ROBO1: variants seen among roughly 807,000 people sequenced by gnomAD.
The protein encoded by ROBO1 is roundabout homolog 1.
A neutral mutation model predicts 195.9 loss-of-function variants in ROBO1; 149 were observed. The observed-to-expected ratio is 0.76, with a 90% CI of 0.67 to 0.87. The LOEUF is 0.87. ROBO1 is among the 40% of genes least tolerant of loss of function. The probability of loss-of-function intolerance (pLI) is 0.00; values close to 1 mark genes in which losing one functional copy is unlikely to be tolerated. For synonymous variants in ROBO1, 816 were observed against 733.2 expected, an observed-to-expected ratio of 1.11 and a Z score of -1.82; for missense variants, 1,933 against 2,068.3, an observed-to-expected ratio of 0.93 and a Z score of 1.27.
intron 2 of ROBO1, among the ~76,000 whole-genome samples, chr3:79,331,811 G>T (rs2034450396): frequency 6.6e-6 from 1 of 152,182 alleles, no homozygotes; most frequent in Admixed American, 6.5e-5. Context: ...AAAGTATGCT[G>T]ATGATAATAA....
At chr3:78,740,638 G>GT (rs1389685267) in intron 5 of ROBO1, among the ~76,000 whole-genome samples, 5 of 151,712 alleles carry the variant, frequency 3.3e-5, no homozygotes, top group African/African-American at 1.2e-4. Context: ...CGCCTGGCTA[G>GT]TTTTTTTGTA....
intron 1 of ROBO1, among the ~76,000 whole-genome samples, chr3:79,601,574 G>A (rs6775339): frequency 1.3e-5 from 2 of 151,806 alleles, no homozygotes; most frequent in Non-Finnish European, 2.9e-5. Context: ...ACAGTAGTAC[G>A]AACACAGACA....
chr3:78,841,541 A>T (rs1241185031), intron 4 of ROBO1, among the ~76,000 whole-genome samples: 1 of 152,162 alleles, frequency 6.6e-6, no homozygotes. Flanking sequence ...TTTTGACCAT[A>T]AGTGGAGTGG....
At chr3:79,313,975 A>C (rs996238709) in intron 2 of ROBO1, among the ~76,000 whole-genome samples, 4 of 152,164 alleles carry the variant, frequency 2.6e-5, no homozygotes, top group Non-Finnish European at 5.9e-5. Context: ...CAGCTTAGGC[A>C]TTATTTATAA....
intron 3 of ROBO1, among the ~76,000 whole-genome samples, chr3:79,108,216 C>T (rs1159835914): frequency 6.6e-6 from 1 of 151,616 alleles, no homozygotes; most frequent in Admixed American, 6.6e-5. Context: ...CAAGATACAT[C>T]GACATAAATG....
At chr3:79,225,554 G>T (rs1400170374) in intron 2 of ROBO1, among the ~76,000 whole-genome samples, 2 of 151,940 alleles carry the variant, frequency 1.3e-5, no homozygotes, top group African/African-American at 4.8e-5. Flanking sequence ...ACTGAAATTT[G>T]GTCCACCTTA....
chr3:78,989,366 C>G (rs921832976), intron 3 of ROBO1, among the ~76,000 whole-genome samples: 4 of 152,180 alleles, frequency 2.6e-5, no homozygotes, highest in African/African-American at 9.6e-5. Flanking sequence ...ATAATCCTAG[C>G]ACTTCGGGAG....
At chr3:79,191,111 T>C (rs1260562487) in intron 2 of ROBO1, among the ~76,000 whole-genome samples, 2 of 151,596 alleles carry the variant, frequency 1.3e-5, no homozygotes, top group Non-Finnish European at 3.0e-5. Context: ...TTAATTCTCG[T>C]GATTTTTGAG....
At chr3:79,362,217 A>C (rs2109307306) in intron 2 of ROBO1, among the ~76,000 whole-genome samples, 1 of 152,268 alleles carries the variant, frequency 6.6e-6, no homozygotes, top group South Asian at 2.1e-4. Flanking sequence ...TTTAAAGGAT[A>C]AACCAGACCT....
At chr3:79,065,247 C>T (rs1247419706) in intron 3 of ROBO1, among the ~76,000 whole-genome samples, 1 of 151,946 alleles carries the variant, frequency 6.6e-6, no homozygotes, top group Non-Finnish European at 1.5e-5. Flanking sequence ...GGGTACAAAG[C>T]ATATTAGCAT....
chr3:78,851,581 A>C (rs375731624), intron 4 of ROBO1, among the ~76,000 whole-genome samples: 2 of 152,316 alleles, frequency 1.3e-5, no homozygotes, highest in South Asian at 4.1e-4. Context: ...CCATATGGTT[A>C]TCTATTAAAT....
intron 29 of ROBO1, among the ~76,000 whole-genome samples, chr3:78,604,227 C>T (rs1247996091): frequency 6.6e-6 from 1 of 152,012 alleles, no homozygotes; most frequent in Non-Finnish European, 1.5e-5. Flanking sequence ...CACACAACCA[C>T]ACCCAGCTAA....
intron 1 of ROBO1, among the ~76,000 whole-genome samples, chr3:79,631,770 G>A (rs1388155850): frequency 6.6e-6 from 1 of 151,718 alleles, no homozygotes; most frequent in Non-Finnish European, 1.5e-5. Context: ...AACTCAAACA[G>A]TTCAATAAGA....
chr3:79,735,543 T>C (rs565408434), intron 1 of ROBO1, among the ~76,000 whole-genome samples: 49 of 152,172 alleles, frequency 3.2e-4, no homozygotes, highest in Non-Finnish European at 5.7e-4. Context: ...TTGAGGATAT[T>C]ACTGTTCTCA....
chr3:78,978,473 C>T (rs1576502520), intron 3 of ROBO1, among the ~76,000 whole-genome samples: 2 of 151,982 alleles, frequency 1.3e-5, no homozygotes, highest in Non-Finnish European at 2.9e-5. Flanking sequence ...CCTTATTGAA[C>T]GCCAGGCACC....
intron 2 of ROBO1, among the ~76,000 whole-genome samples, chr3:79,326,902 G>A (rs2034236709): frequency 1.3e-5 from 2 of 152,132 alleles, no homozygotes; most frequent in African/African-American, 2.4e-5. Flanking sequence ...GATGAGTGCT[G>A]ACTGTAGGGC....
intron 2 of ROBO1, among the ~76,000 whole-genome samples, chr3:79,445,127 T>G (rs2039195562): frequency 6.6e-6 from 1 of 152,046 alleles, no homozygotes; most frequent in African/African-American, 2.4e-5. Flanking sequence ...TTTGTCTCAT[T>G]CCAGTTGTTT....
intron 4 of ROBO1, among the ~76,000 whole-genome samples, chr3:78,930,123 T>C (rs1032696952): frequency 3.3e-5 from 5 of 152,120 alleles, no homozygotes; most frequent in African/African-American, 1.2e-4. Flanking sequence ...CAAAGTAGTG[T>C]TTGAGAGCAG....
intron 4 of ROBO1, among the ~76,000 whole-genome samples, chr3:78,770,673 T>C (rs1480294785): frequency 6.6e-6 from 1 of 152,224 alleles, no homozygotes; most frequent in Non-Finnish European, 1.5e-5. Context: ...GCACTTGCTT[T>C]TGAGGACATA....
Sources: allele counts gnomAD v4.1 joint callset (sites outside exome capture counted in the v4.1 genomes callset), GRCh38; gene constraint gnomAD v4.1.1; transcripts MANE v1.5; gene names NCBI Gene and HGNC (gene_info 2026-07-23, HGNC 2026-07-21).